Variants in NCKAP5 observed in about 807,000 individuals in gnomAD.
The protein encoded by NCKAP5 is NCK associated protein 5.
A neutral mutation model predicts 167.0 loss-of-function variants in NCKAP5; 92 were observed. The ratio of observed to expected loss-of-function variants is 0.55; its 90% CI spans 0.47 to 0.66. The LOEUF (loss-of-function observed/expected upper bound fraction) is 0.66, where lower values mean the gene tolerates loss of function less well. NCKAP5 is among the 30% of genes least tolerant of loss of function. The probability of loss-of-function intolerance (pLI) is 0.00; values close to 1 mark genes in which losing one functional copy is unlikely to be tolerated. For missense variants in NCKAP5, 2,378 were observed against 2,315.0 expected, an observed-to-expected ratio of 1.03 and a Z score of -0.56; for synonymous variants, 891 against 877.4, an observed-to-expected ratio of 1.02 and a Z score of -0.27.
At chr2:133,365,345 G>A (rs192365415) in intron 3 of NCKAP5, among the ~76,000 whole-genome samples, 1 of 152,196 alleles carries the variant, frequency 6.6e-6, no homozygotes, top group East Asian at 1.9e-4. Flanking sequence ...TGAACTTTTG[G>A]TGTATGTGTA....
intron 3 of NCKAP5, among the ~76,000 whole-genome samples, chr2:133,333,116 C>G (rs1682975964): frequency 6.6e-6 from 1 of 152,182 alleles, no homozygotes; most frequent in South Asian, 2.1e-4. Flanking sequence ...AGGATGAATA[C>G]AAAGCCTCCA....
intron 7 of NCKAP5, among the ~76,000 whole-genome samples, chr2:132,971,833 G>A (rs1404584934): frequency 2.0e-5 from 3 of 152,112 alleles, no homozygotes; most frequent in South Asian, 2.1e-4. Context: ...TGTTTAAAAC[G>A]CAGATTCCTC....
chr2:132,805,595 C>T (rs906522195), intron 11 of NCKAP5, among the ~76,000 whole-genome samples: 8 of 151,226 alleles, frequency 5.3e-5, no homozygotes, highest in African/African-American at 1.9e-4. Flanking sequence ...TAGATCACTA[C>T]ATTCTTTCCA....
At chr2:132,723,001 A>C (rs902021921) in intron 19 of NCKAP5, among the ~76,000 whole-genome samples, 4 of 151,992 alleles carry the variant, frequency 2.6e-5, no homozygotes, top group African/African-American at 7.2e-5. Flanking sequence ...ATTTAAAAAA[A>C]AAATTTGTAA....
At chr2:133,428,837 T>C (rs1440767707) in intron 3 of NCKAP5, among the ~76,000 whole-genome samples, 3 of 152,176 alleles carry the variant, frequency 2.0e-5, no homozygotes, top group Admixed American at 2.0e-4. Context: ...ATTTTACCTA[T>C]TAGATTGACC....
At chr2:133,123,942 A>C in intron 6 of NCKAP5, 1 of 380,506 alleles carries the variant, frequency 2.6e-6, no homozygotes, top group South Asian at 2.0e-5. Flanking sequence ...GGGCAGCAGA[A>C]AATGAACCCT....
chr2:133,457,141 C>A (rs1691909623), intron 3 of NCKAP5, among the ~76,000 whole-genome samples: 1 of 152,150 alleles, frequency 6.6e-6, no homozygotes, highest in African/African-American at 2.4e-5. Context: ...ATCTGACAAA[C>A]TGATTCCCAT....
chr2:132,899,938 T>G (rs930318164), intron 8 of NCKAP5, among the ~76,000 whole-genome samples: 4 of 152,104 alleles, frequency 2.6e-5, no homozygotes, highest in African/African-American at 9.7e-5. Context: ...GACATGTTCC[T>G]CTTCCTTTTA....
intron 9 of NCKAP5, among the ~76,000 whole-genome samples, chr2:132,871,030 A>G (rs1337955833): frequency 6.6e-6 from 1 of 152,156 alleles, no homozygotes; most frequent in Non-Finnish European, 1.5e-5. Flanking sequence ...CTTCATTGAA[A>G]CTATGATTTT....
chr2:132,712,885 C>CA (rs1486186983), intron 19 of NCKAP5, among the ~76,000 whole-genome samples: 1 of 152,016 alleles, frequency 6.6e-6, no homozygotes, highest in African/African-American at 2.4e-5. Flanking sequence ...GGCACACACC[C>CA]AGATCCAGAT....
At chr2:133,316,198 A>T (rs1681599798) in intron 3 of NCKAP5, among the ~76,000 whole-genome samples, 1 of 152,148 alleles carries the variant, frequency 6.6e-6, no homozygotes, top group Admixed American at 6.5e-5. Flanking sequence ...TGCCACAACC[A>T]CCATGCAACC....
At chr2:133,154,230 C>A (rs1574206079) in intron 5 of NCKAP5, among the ~76,000 whole-genome samples, 2 of 152,274 alleles carry the variant, frequency 1.3e-5, no homozygotes, top group African/African-American at 4.8e-5. Flanking sequence ...GATTATGCAA[C>A]TGGCTCTTGA....
intron 6 of NCKAP5, among the ~76,000 whole-genome samples, chr2:133,116,191 A>G (rs1010891412): frequency 6.4e-5 from 9 of 140,350 alleles, no homozygotes; most frequent in Non-Finnish European, 1.4e-4. Flanking sequence ...CTTACGCAAA[A>G]TAAGAAAAAT....
chr2:133,470,376 C>T (rs1692964880), intron 3 of NCKAP5, among the ~76,000 whole-genome samples: 1 of 152,220 alleles, frequency 6.6e-6, no homozygotes, highest in Admixed American at 6.5e-5. Flanking sequence ...GTTCCCAGAT[C>T]TCCAGCTGCG....
At chr2:133,243,457 A>G (rs1213244294) in intron 4 of NCKAP5, among the ~76,000 whole-genome samples, 1 of 152,184 alleles carries the variant, frequency 6.6e-6, no homozygotes, top group African/African-American at 2.4e-5. Flanking sequence ...TAAAGGAGAA[A>G]ATGCTGTGAC....
chr2:133,378,547 A>G (rs562367470), intron 3 of NCKAP5, among the ~76,000 whole-genome samples: 2 of 152,280 alleles, frequency 1.3e-5, no homozygotes, highest in African/African-American at 4.8e-5. Flanking sequence ...GTGGGAGTGA[A>G]GAGTAACAGG....
chr2:132,727,536 C>G (rs1319484137), intron 18 of NCKAP5, among the ~76,000 whole-genome samples: 2 of 152,228 alleles, frequency 1.3e-5, no homozygotes, highest in East Asian at 1.9e-4. Context: ...ATGTGGGCAA[C>G]AAGATTGTAG....
intron 13 of NCKAP5, among the ~76,000 whole-genome samples, chr2:132,786,837 C>T (rs566761298): frequency 2.0e-5 from 3 of 152,094 alleles, no homozygotes; most frequent in Non-Finnish European, 4.4e-5. Flanking sequence ...TATAGTACGT[C>T]GGTTTTGACT....
At chr2:133,205,830 A>G (rs2085925434) in intron 5 of NCKAP5, among the ~76,000 whole-genome samples, 1 of 152,062 alleles carries the variant, frequency 6.6e-6, no homozygotes, top group South Asian at 2.1e-4. Flanking sequence ...TCTTAGATTT[A>G]TTCCTATATG....
Sources: allele counts gnomAD v4.1 joint callset (sites outside exome capture counted in the v4.1 genomes callset), GRCh38; gene constraint gnomAD v4.1.1; transcripts MANE v1.5; gene names NCBI Gene and HGNC (gene_info 2026-07-23, HGNC 2026-07-21).